TMEFF2: variants seen among roughly 807,000 people sequenced by gnomAD.
TMEFF2 encodes tomoregulin-2.
A neutral mutation model predicts 53.8 loss-of-function variants in TMEFF2; 28 were observed. The ratio of observed to expected loss-of-function variants is 0.52; its 90% CI spans 0.39 to 0.71. The LOEUF is 0.71. Ranked by LOEUF, TMEFF2 falls within the 30% of genes least tolerant of loss-of-function variation. The pLI, the probability that TMEFF2 is intolerant of heterozygous loss-of-function variation, is 0.00. For synonymous variants in TMEFF2, 162 were observed against 166.3 expected, an observed-to-expected ratio of 0.97 and a Z score of 0.20; for missense variants, 353 against 455.2, an observed-to-expected ratio of 0.78 and a Z score of 2.04.
chr2:191,983,531 G>A (rs1685905137), intron 7 of TMEFF2, among the ~76,000 whole-genome samples: 1 of 152,142 alleles, frequency 6.6e-6, no homozygotes, highest in Admixed American at 6.6e-5. Flanking sequence ...TGAAGAAATA[G>A]TGGTAAAATA....
At chr2:191,956,073 GTTT>G (rs1211327782) in intron 8 of TMEFF2, among the ~76,000 whole-genome samples, 179 bp downstream of exon 8, 13 of 72,756 alleles carry the variant, frequency 1.8e-4, no homozygotes, top group Admixed American at 1.6e-3. Context: ...ACATATTTTT[GTTT>G]TTTTTTAGTG....
At chr2:192,073,918 C>T (rs1347222103) in intron 4 of TMEFF2, among the ~76,000 whole-genome samples, 3 of 151,842 alleles carry the variant, frequency 2.0e-5, no homozygotes, top group African/African-American at 7.3e-5. Flanking sequence ...GATAGAAACA[C>T]CATACATAAA....
chr2:192,139,394 A>G (rs536545966), intron 4 of TMEFF2, among the ~76,000 whole-genome samples: 1 of 152,328 alleles, frequency 6.6e-6, no homozygotes, highest in South Asian at 2.1e-4. Context: ...GGACAGCACC[A>G]TCAAGAGGTA....
intron 4 of TMEFF2, among the ~76,000 whole-genome samples, chr2:192,089,964 CTCTTT>C (rs971351287): frequency 3.7e-4 from 57 of 152,268 alleles, no homozygotes; most frequent in African/African-American, 1.3e-3. Context: ...GACTTCTCTT[CTCTTT>C]TCTTGAGAAT....
intron 4 of TMEFF2, among the ~76,000 whole-genome samples, chr2:192,078,226 C>T (rs954167716): frequency 7.2e-5 from 11 of 152,134 alleles, no homozygotes; most frequent in African/African-American, 2.7e-4. Context: ...AAACTCTGAG[C>T]CTTAGTTCCA....
chr2:192,043,454 T>C (rs1467198377), intron 5 of TMEFF2, among the ~76,000 whole-genome samples: 4 of 152,190 alleles, frequency 2.6e-5, no homozygotes, highest in Non-Finnish European at 5.9e-5. Flanking sequence ...CCAGAATAAC[T>C]GTGCATTGGG....
chr2:191,984,265 T>TAAC (rs1384342616), intron 7 of TMEFF2, among the ~76,000 whole-genome samples: 6 of 152,102 alleles, frequency 3.9e-5, no homozygotes, highest in Non-Finnish European at 8.8e-5. Context: ...GAAAATCTGT[T>TAAC]TTTCCAAAGT....
intron 5 of TMEFF2, among the ~76,000 whole-genome samples, chr2:192,012,087 T>G (rs11884009): frequency 0.062 from 9,505 of 152,122 alleles, 400 homozygotes; most frequent in African/African-American, 0.11. Context: ...GTATTTTTAG[T>G]AGAGACCAGG....
chr2:192,184,300 G>C, intron 3 of TMEFF2, 54 bp downstream of exon 3: 1 of 1,593,362 alleles, frequency 6.3e-7, no homozygotes, highest in Non-Finnish European at 8.6e-7. Flanking sequence ...TGAAAGACAT[G>C]GTTTTTGGAT....
rs961694039 is a variant in TMEFF2, at chr2:192,113,459, C to T, written c.440-55684G>A. Among the ~76,000 whole-genome samples the T allele has an allele frequency of 1.1e-4, 17 of 152,056 alleles. No individual in the cohort carries two copies. The South Asian group carries it at 1.2e-3, about 11-fold the overall frequency. On this transcript the variant is annotated intron_variant, in intron 4 of 9. Coordinates refer to ENST00000272771, the MANE Select transcript of TMEFF2 (RefSeq NM_016192.4). ...TGAATGAACACTGGTCTTATGGTTA[C>T]GCAAAGTAAATAGATAGATAGATTA...
At chr2:191,971,973 T>G (rs1692655695) in intron 7 of TMEFF2, among the ~76,000 whole-genome samples, 1 of 152,088 alleles carries the variant, frequency 6.6e-6, no homozygotes, top group Non-Finnish European at 1.5e-5. Flanking sequence ...AGCTTCTGAC[T>G]GAGTGAACAC....
chr2:191,978,978 T>A (rs983005684), intron 7 of TMEFF2, among the ~76,000 whole-genome samples: 1 of 152,164 alleles, frequency 6.6e-6, no homozygotes, highest in South Asian at 2.1e-4. Context: ...GGGAGAACCA[T>A]ACAATGTAGG....
chr2:191,961,722 C>T (rs1199551845), intron 7 of TMEFF2, among the ~76,000 whole-genome samples: 1 of 147,350 alleles, frequency 6.8e-6, no homozygotes, highest in Non-Finnish European at 1.5e-5. Context: ...CTCTCCTTAT[C>T]TTATCAGGTA....
intron 4 of TMEFF2, among the ~76,000 whole-genome samples, chr2:192,080,526 C>T (rs1197346624): frequency 1.3e-5 from 2 of 152,178 alleles, no homozygotes; most frequent in African/African-American, 4.8e-5. Context: ...TACCCAGTCT[C>T]AGGCAGTTCT....
chr2:192,065,072 T>G (rs982224020), intron 4 of TMEFF2, among the ~76,000 whole-genome samples: 3 of 151,870 alleles, frequency 2.0e-5, no homozygotes, highest in African/African-American at 7.2e-5. Context: ...TTTACTTACC[T>G]ACACAAACCA....
chr2:192,095,556 A>G (rs1384131368), intron 4 of TMEFF2, among the ~76,000 whole-genome samples: 2 of 152,200 alleles, frequency 1.3e-5, no homozygotes, highest in Non-Finnish European at 2.9e-5. Context: ...CAAAAGAAAT[A>G]TAGAAAACAA....
chr2:191,955,152 G>T (rs1692028786), intron 8 of TMEFF2, among the ~76,000 whole-genome samples: 1 of 78,774 alleles, frequency 1.3e-5, no homozygotes, highest in African/African-American at 4.4e-5. Flanking sequence ...GAGGGGGGAG[G>T]GAGGAAGAGT....
intron 4 of TMEFF2, among the ~76,000 whole-genome samples, chr2:192,139,182 C>T (rs758283719): frequency 1.1e-4 from 17 of 152,190 alleles, no homozygotes; most frequent in Non-Finnish European, 2.1e-4. Context: ...ATTGTCACTT[C>T]TTACCTTTAC....
At chr2:192,105,838 C>T (rs754673397) in intron 4 of TMEFF2, among the ~76,000 whole-genome samples, 1 of 151,758 alleles carries the variant, frequency 6.6e-6, no homozygotes, top group East Asian at 1.9e-4. Context: ...GTACCATATC[C>T]CAATTTTGAG....
Sources: allele counts gnomAD v4.1 joint callset (sites outside exome capture counted in the v4.1 genomes callset), GRCh38; gene constraint gnomAD v4.1.1; transcripts MANE v1.5; gene names NCBI Gene and HGNC (gene_info 2026-07-23, HGNC 2026-07-21).